The following KCNMA1 variants were observed in gnomAD, a reference collection of about 807,000 sequenced individuals.
KCNMA1 encodes potassium calcium-activated channel subfamily M alpha 1, also known as Calcium-activated potassium channel subunit alpha-1.
Under a neutral mutation model 140.0 loss-of-function variants are expected in KCNMA1, and 29 were observed. The ratio of observed to expected loss-of-function variants is 0.21; its 90% CI spans 0.15 to 0.28. KCNMA1 has a LOEUF of 0.28. KCNMA1 is among the 10% of genes least tolerant of loss of function. KCNMA1 has a pLI of 1.00. For synonymous variants in KCNMA1, 612 were observed against 611.9 expected (o/e 1.00, Z 0.00); for missense variants, 880 against 1,602.2 (o/e 0.55, Z 7.70).
chr10:77,505,521 G>C (rs2045515627), intron 1 of KCNMA1, among the ~76,000 whole-genome samples: 1 of 152,250 alleles, frequency 6.6e-6, no homozygotes, highest in Non-Finnish European at 1.5e-5. Flanking sequence ...AGTTAGAGGA[G>C]AGAGATGTTA....
At chr10:77,312,758 G>A (rs576182138) in intron 2 of KCNMA1, among the ~76,000 whole-genome samples, 28 of 152,264 alleles carry the variant, frequency 1.8e-4, no homozygotes, top group African/African-American at 6.3e-4. Context: ...GGAGTAGCAG[G>A]GGATAGCTGA....
chr10:77,335,484 A>G (rs1241367006), intron 2 of KCNMA1, among the ~76,000 whole-genome samples: 2 of 152,204 alleles, frequency 1.3e-5, no homozygotes, highest in African/African-American at 4.8e-5. Flanking sequence ...TTTTAAAAGT[A>G]AAGATGCCAC....
intron 1 of KCNMA1, among the ~76,000 whole-genome samples, chr10:77,575,995 T>A (rs796141355): frequency 6.6e-6 from 1 of 152,232 alleles, no homozygotes; most frequent in African/African-American, 2.4e-5. Flanking sequence ...TCAAGGCCCA[T>A]GTTTCTAGCC....
chr10:76,968,268 C>T (rs1443841297), intron 20 of KCNMA1, among the ~76,000 whole-genome samples: 1 of 152,136 alleles, frequency 6.6e-6, no homozygotes, highest in African/African-American at 2.4e-5. Context: ...AAAGCCTCCA[C>T]CTCATACAGA....
At chr10:77,110,912 A>C (rs1004869627) in intron 7 of KCNMA1, among the ~76,000 whole-genome samples, 1 of 152,208 alleles carries the variant, frequency 6.6e-6, no homozygotes, top group Non-Finnish European at 1.5e-5. Flanking sequence ...GCAAATTGGC[A>C]ATGGTGGTCC....
chr10:77,158,535 T>C (rs1405616420), intron 5 of KCNMA1, among the ~76,000 whole-genome samples: 1 of 152,044 alleles, frequency 6.6e-6, no homozygotes, highest in African/African-American at 2.4e-5. Context: ...ATATTCCCCA[T>C]AGTCCCCCCC....
At chr10:77,123,703 C>T (rs2097676156) in intron 5 of KCNMA1, among the ~76,000 whole-genome samples, 1 of 152,146 alleles carries the variant, frequency 6.6e-6, no homozygotes, top group Admixed American at 6.5e-5. Flanking sequence ...TATACACACA[C>T]CTACGGTAAA....
intron 2 of KCNMA1, among the ~76,000 whole-genome samples, chr10:77,252,525 TTGTGTGTGTGTGTG>T (rs139774027): frequency 2.1e-5 from 3 of 145,728 alleles, no homozygotes; most frequent in South Asian, 4.5e-4. Flanking sequence ...TGATCAAGCT[TTGTGTGTGTGTGTG>T]TGTGTGTGTG....
chr10:77,334,857 ATATAT>A (rs1603026115), intron 2 of KCNMA1, among the ~76,000 whole-genome samples: 1 of 152,250 alleles, frequency 6.6e-6, no homozygotes, highest in Non-Finnish European at 1.5e-5. Context: ...AATATATGTA[ATATAT>A]TATAATTTCA....
chr10:77,495,803 G>C (rs2041699178), intron 1 of KCNMA1, among the ~76,000 whole-genome samples: 1 of 152,140 alleles, frequency 6.6e-6, no homozygotes. Context: ...ATGAGCAGAG[G>C]ACAGGGAAGA....
At chr10:76,877,404 CATTT>C (rs2032589129), downstream of KCNMA1, 1 of 157,400 alleles carries the variant, frequency 6.4e-6, no homozygotes, top group African/African-American at 2.4e-5. Flanking sequence ...ACCACTTATT[CATTT>C]AGATTTTGCA....
At chr10:77,564,434 A>AT (rs1187819225) in intron 1 of KCNMA1, among the ~76,000 whole-genome samples, 1 of 151,932 alleles carries the variant, frequency 6.6e-6, no homozygotes, top group Admixed American at 6.6e-5. Flanking sequence ...TTAGCCAGGT[A>AT]TTTTTTTTAC....
intron 20 of KCNMA1, among the ~76,000 whole-genome samples, chr10:76,959,954 G>C (rs1362475346): frequency 6.6e-6 from 1 of 152,220 alleles, no homozygotes; most frequent in African/African-American, 2.4e-5. Flanking sequence ...GCCAGTGAGA[G>C]GAGAGGCAAA....
At chr10:77,208,251 C>T (rs2044801124) in intron 3 of KCNMA1, among the ~76,000 whole-genome samples, 1 of 152,188 alleles carries the variant, frequency 6.6e-6, no homozygotes, top group Admixed American at 6.5e-5. Context: ...GGTTTGTTTG[C>T]TCAAATGCCC....
At chr10:77,048,917 C>T (rs1594747305) in intron 14 of KCNMA1, among the ~76,000 whole-genome samples, 1 of 152,066 alleles carries the variant, frequency 6.6e-6, no homozygotes, top group Non-Finnish European at 1.5e-5. Flanking sequence ...CCTGCCACCA[C>T]GCCCGGTTAA....
chr10:77,420,479 C>G (rs889691082), intron 1 of KCNMA1, among the ~76,000 whole-genome samples: 2 of 152,236 alleles, frequency 1.3e-5, no homozygotes, highest in African/African-American at 4.8e-5. Context: ...TTGCTCAATA[C>G]TTCCTTTCAG....
chr10:77,563,084 T>C (rs754433735), intron 1 of KCNMA1, among the ~76,000 whole-genome samples: 1 of 151,988 alleles, frequency 6.6e-6, no homozygotes, highest in African/African-American at 2.4e-5. Flanking sequence ...AGTTCAACTA[T>C]TTTTGATTCA....
At chr10:77,098,612 G>A (rs773709823) in intron 9 of KCNMA1, among the ~76,000 whole-genome samples, 1 of 151,408 alleles carries the variant, frequency 6.6e-6, no homozygotes, top group Non-Finnish European at 1.5e-5. Context: ...TCTTAAGTCA[G>A]CAAAAAAATA....
intron 2 of KCNMA1, among the ~76,000 whole-genome samples, chr10:77,303,454 C>G (rs1293079629): frequency 2.6e-5 from 4 of 152,188 alleles, no homozygotes; most frequent in Non-Finnish European, 5.9e-5. Context: ...TAGAAAAACC[C>G]ATAGGTAAAC....
Sources: gnomAD v4.1 joint callset for allele counts (sites outside exome capture counted in the v4.1 genomes callset) on GRCh38, gnomAD v4.1.1 for gene constraint, MANE v1.5 for transcripts, NCBI Gene and HGNC (gene_info 2026-07-23, HGNC 2026-07-21) for gene names.